COL26A1: variants seen among roughly 807,000 people sequenced by gnomAD.
COL26A1 encodes the protein collagen alpha-1(XXVI) chain.
COL26A1 carries 41 observed loss-of-function variants against 59.3 expected under a neutral mutation model. The observed-to-expected ratio is 0.69, with a 90% CI of 0.54 to 0.90. The LOEUF (loss-of-function observed/expected upper bound fraction) is 0.90. COL26A1 is among the 40% of genes least tolerant of loss of function. COL26A1 has a pLI of 0.00. For missense variants in COL26A1, 612 were observed against 602.3 expected, an observed-to-expected ratio of 1.02 and a Z score of -0.17; for synonymous variants, 266 against 256.0, an observed-to-expected ratio of 1.04 and a Z score of -0.37.
At position 101,557,266 on chromosome 7, in the gene COL26A1, A is replaced by G. The variant is rs1796000382; in HGVS notation, c.1166-104A>G. On this transcript the variant is annotated intron_variant, in intron 12 of 12. Coordinates refer to ENST00000313669, the MANE Select transcript of COL26A1 (RefSeq NM_001278563.3). ...AAGCCTGCTGCTGCCTTGCTTCTCC[A>G]CGCTGGGCAAGAGCATCTCTCCGTG... The G allele has an allele frequency of 9.0e-6, 11 of 1,219,214 alleles. No homozygotes were observed. In the East Asian group the frequency reaches 2.8e-4, roughly 31 times the overall value. The allele number at this position is 1,219,214 out of a possible 1,614,324, so 75.5% of individuals were successfully genotyped here.
At chr7:101,488,011 G>C (rs1053830539) in intron 3 of COL26A1, among the ~76,000 whole-genome samples, 1 of 151,960 alleles carries the variant, frequency 6.6e-6, no homozygotes, top group Non-Finnish European at 1.5e-5. Context: ...AGTGGCTCAC[G>C]CCTATAATCC....
intron 3 of COL26A1, among the ~76,000 whole-genome samples, chr7:101,471,491 TAC>T (rs1793898651): frequency 6.6e-6 from 1 of 151,430 alleles, no homozygotes; most frequent in Non-Finnish European, 1.5e-5. Flanking sequence ...GCAGAAGGAA[TAC>T]ACTCACGTCA....
intron 3 of COL26A1, among the ~76,000 whole-genome samples, chr7:101,448,596 G>A (rs553300176): frequency 6.6e-6 from 1 of 151,904 alleles, no homozygotes; most frequent in South Asian, 2.1e-4. Context: ...GGGCTCAATT[G>A]ATCCTCCCAC....
chr7:101,447,409 G>A (rs1045563270), intron 2 of COL26A1, among the ~76,000 whole-genome samples: 7 of 152,302 alleles, frequency 4.6e-5, no homozygotes, highest in Middle Eastern at 3.4e-3. Context: ...AGATTAGTTC[G>A]GCCTACTCCC....
intron 1 of COL26A1, among the ~76,000 whole-genome samples, chr7:101,400,083 G>A (rs563725718): frequency 1.6e-4 from 24 of 152,246 alleles, no homozygotes; most frequent in African/African-American, 5.5e-4. Context: ...TGTGCAGAGG[G>A]GACAGCAAAT....
intron 9 of COL26A1, among the ~76,000 whole-genome samples, chr7:101,550,093 G>A (rs1004384697): frequency 2.0e-5 from 3 of 152,194 alleles, no homozygotes; most frequent in Admixed American, 6.5e-5. Context: ...CCAGGTGTGG[G>A]CTTTTGTTAC....
intron 1 of COL26A1, among the ~76,000 whole-genome samples, chr7:101,377,425 T>C (rs1791344139): frequency 6.6e-6 from 1 of 152,138 alleles, no homozygotes; most frequent in Non-Finnish European, 1.5e-5. Context: ...CAGCCTGCAG[T>C]GACTCACTTT....
At chr7:101,485,008 A>T (rs1971532) in intron 3 of COL26A1, among the ~76,000 whole-genome samples, 4 of 151,698 alleles carry the variant, frequency 2.6e-5, no homozygotes, top group African/African-American at 4.8e-5. Flanking sequence ...TGCGCCACCA[A>T]GCCTGGCAAA....
At chr7:101,499,539 C>A (rs1329093683) in intron 3 of COL26A1, among the ~76,000 whole-genome samples, 5 of 152,044 alleles carry the variant, frequency 3.3e-5, no homozygotes, top group Non-Finnish European at 5.9e-5. Flanking sequence ...CAAAAATTGG[C>A]TGGGCATGGT....
At chr7:101,363,249 C>T in intron 1 of COL26A1, 59 bp downstream of exon 1, 2 of 1,267,162 alleles carry the variant, frequency 1.6e-6, no homozygotes, top group South Asian at 1.6e-5. Context: ...CAGCGGGGGC[C>T]CTGGCCACTG....
intron 11 of COL26A1, 32 bp from the exon 12 acceptor site, chr7:101,555,755 G>C (rs115918422): frequency 1.3e-6 from 2 of 1,567,686 alleles, no homozygotes; most frequent in East Asian, 2.3e-5. Flanking sequence ...CCTCATGGCC[G>C]GCCCTGACCC....
At chr7:101,510,733 T>G (rs1794903811) in intron 3 of COL26A1, among the ~76,000 whole-genome samples, 1 of 152,118 alleles carries the variant, frequency 6.6e-6, no homozygotes, top group Non-Finnish European at 1.5e-5. Context: ...TTGTCCAGGC[T>G]GGCCTCAAAC....
chr7:101,452,466 C>G (rs1007801338), intron 3 of COL26A1, among the ~76,000 whole-genome samples: 1 of 152,198 alleles, frequency 6.6e-6, no homozygotes, highest in Non-Finnish European at 1.5e-5. Context: ...CGATAAACCA[C>G]ATTGATATGA....
At chr7:101,477,350 A>T (rs909309821) in intron 3 of COL26A1, among the ~76,000 whole-genome samples, 1 of 152,150 alleles carries the variant, frequency 6.6e-6, no homozygotes, top group African/African-American at 2.4e-5. Flanking sequence ...GTGTGTGTGC[A>T]TTAGCATGCG....
chr7:101,420,081 C>T lies in COL26A1; in HGVS notation c.263C>T (p.Pro88Leu). The change falls in exon 2 of 13, where the codon CCC (proline) becomes CTC (leucine). Residue 88 changes from proline (P) to leucine (L), a missense_variant. Transcript: ENST00000313669. ...TACCAGAGCTGCCGGTGGCCGGGGCCCTGCGCCAACCTCGTAAGGTAAAGG... is the reference window on the plus strand; with the variant it reads ...TACCAGAGCTGCCGGTGGCCGGGGCTCTGCGCCAACCTCGTAAGGTAAAGG... Reference protein sequence around the residue: ...RVYQSCRWPGPCANLVSYRTL... With the variant: ...RVYQSCRWPGLCANLVSYRTL... The T allele has an allele frequency of 1.2e-6, 2 of 1,613,312 alleles. No homozygotes were observed. Among genetic ancestry groups the T allele is most frequent in the African/African-American group, 2.7e-5 (2 of 75,044 alleles).
chr7:101,521,952 CT>C (rs1562787142), intron 3 of COL26A1, among the ~76,000 whole-genome samples: 1 of 152,124 alleles, frequency 6.6e-6, no homozygotes, highest in Non-Finnish European at 1.5e-5. Flanking sequence ...TGTGGTTTGC[CT>C]ACTGTTCTGA....
intron 1 of COL26A1, among the ~76,000 whole-genome samples, chr7:101,403,849 A>T (rs915060708): frequency 2.0e-5 from 3 of 152,176 alleles, no homozygotes; most frequent in African/African-American, 7.2e-5. Flanking sequence ...TAATCCCAGC[A>T]CTTTGGGAAG....
At chr7:101,495,509 C>T (rs1037442391) in intron 3 of COL26A1, among the ~76,000 whole-genome samples, 5 of 151,810 alleles carry the variant, frequency 3.3e-5, no homozygotes, top group South Asian at 2.1e-4. Context: ...CCCAGGTTCA[C>T]GCCATTCTCC....
chr7:101,362,388 G>C (rs865952221), upstream of COL26A1, among the ~76,000 whole-genome samples: 2 of 152,276 alleles, frequency 1.3e-5, no homozygotes, highest in Middle Eastern at 6.8e-3. Context: ...GCAGGTGGGG[G>C]CTGGAGGTTA....
Sources: gnomAD v4.1 joint callset for allele counts (sites outside exome capture counted in the v4.1 genomes callset) on GRCh38, gnomAD v4.1.1 for gene constraint, MANE v1.5 for transcripts, NCBI Gene and HGNC (gene_info 2026-07-23, HGNC 2026-07-21) for gene names.